Variants in SHISA6 observed in about 807,000 individuals in gnomAD.
SHISA6 encodes shisa family member 6.
SHISA6 carries 22 observed loss-of-function variants against 47.9 expected under a neutral mutation model. That is an observed-to-expected ratio of 0.46 (90% CI 0.33 to 0.66). SHISA6 has a LOEUF of 0.66. Ranked by LOEUF, SHISA6 falls within the 30% of genes least tolerant of loss-of-function variation. The pLI is 0.02. For synonymous variants in SHISA6, 388 were observed against 337.8 expected (o/e 1.15, Z -1.63); for missense variants, 680 against 764.6 (o/e 0.89, Z 1.30).
intron 2 of SHISA6, among the ~76,000 whole-genome samples, chr17:11,268,968 A>C (rs74552182): frequency 0.032 from 4,813 of 151,820 alleles, 179 homozygotes; most frequent in African/African-American, 0.092. Flanking sequence ...ACTTGCATAA[A>C]CCATAGGCTG....
rs1178979764 is a variant in SHISA6 at position 11,558,156 on chromosome 17, A to G, written c.1508A>G (p.Asn503Ser). 6 of 1,549,892 alleles carry G rather than the reference A, an allele frequency of 3.9e-6. No homozygotes were observed. The South Asian group carries it at 4.8e-5, about 12-fold the overall frequency. ...ATGCACTCTCATCCCAGTGCCTCCA[A>G]TAACTCATACGCCACCCTGGGCCAG... ...SKMHSHPSAS[N>S]NSYATLGQSQ... is the part of the protein sequence containing the mutation. The change falls in exon 6 of 6, where the codon AAT becomes AGT. Residue 503 changes from asparagine (N) to serine (S), a missense_variant. Physicochemically the swap from Asn to Ser is conservative, Grantham distance 46 (BLOSUM62 1). This residue lies in a region of SHISA6 where 559 missense variants were observed against 674.1 expected (regional missense o/e 0.83). Transcript: ENST00000441885.
At chr17:11,310,580 C>T (rs971415559) in intron 2 of SHISA6, among the ~76,000 whole-genome samples, 3 of 152,086 alleles carry the variant, frequency 2.0e-5, no homozygotes, top group Admixed American at 1.3e-4. Flanking sequence ...TGAAAGACCT[C>T]GTGGGCCAGA....
intron 2 of SHISA6, among the ~76,000 whole-genome samples, chr17:11,361,882 C>T (rs779651999): frequency 8.5e-5 from 13 of 152,086 alleles, no homozygotes; most frequent in Admixed American, 3.9e-4. Flanking sequence ...GGAATTCTAT[C>T]GGTACCATAA....
At chr17:11,268,496 T>C (rs1003883) in intron 2 of SHISA6, among the ~76,000 whole-genome samples, 131,070 of 152,148 alleles carry the variant, frequency 0.86, 57,213 homozygotes, top group Admixed American at 0.93. Flanking sequence ...CATTGAGATA[T>C]TTCCCCCTTT....
rs1053388440 is a variant in SHISA6 at position 11,500,289 on chromosome 17, T to C, written c.896-51607T>C. On this transcript the variant is annotated intron_variant, in intron 3 of 5. Transcript: ENST00000441885. ...GAAGAGGCAGTTTGGAAAAGCAGCG[T>C]CGTGGTGCCCCAGAATGTTTAGAGA... is the stretch of plus-strand genomic sequence containing the variant. Among the ~76,000 whole-genome samples, 5 of 152,304 alleles carry C rather than the reference T, an allele frequency of 3.3e-5. No individual in the cohort carries two copies. In the Middle Eastern group the frequency reaches 0.01, roughly 311 times the overall value.
At chr17:11,343,525 G>A (rs1315660703) in intron 2 of SHISA6, among the ~76,000 whole-genome samples, 2 of 152,022 alleles carry the variant, frequency 1.3e-5, no homozygotes, top group Admixed American at 6.5e-5. Flanking sequence ...TCTCAATCCT[G>A]CTGGGAACAT....
intron 3 of SHISA6, among the ~76,000 whole-genome samples, chr17:11,421,015 G>A (rs1307162997): frequency 6.6e-6 from 1 of 152,112 alleles, no homozygotes; most frequent in African/African-American, 2.4e-5. Flanking sequence ...ACAGATTATT[G>A]CTGGCGGGAC....
intron 1 of SHISA6, among the ~76,000 whole-genome samples, chr17:11,250,996 C>G (rs998384653): frequency 6.6e-6 from 1 of 152,094 alleles, no homozygotes; most frequent in African/African-American, 2.4e-5. Context: ...TCCCATCATC[C>G]CGTCTGAGTG....
At chr17:11,432,107 A>G (rs896853800) in intron 3 of SHISA6, among the ~76,000 whole-genome samples, 7 of 152,240 alleles carry the variant, frequency 4.6e-5, no homozygotes, top group African/African-American at 9.6e-5. Flanking sequence ...TTCCATGAAA[A>G]TGGAAGTTGA....
chr17:11,293,162 G>T (rs9303035), intron 2 of SHISA6, among the ~76,000 whole-genome samples: 2 of 151,916 alleles, frequency 1.3e-5, no homozygotes, highest in Admixed American at 6.6e-5. Flanking sequence ...TCCAGTTGCT[G>T]TATGGATTGA....
At position 11,554,335 on chromosome 17, in the gene SHISA6, T is replaced by C. The variant is rs754685298; in HGVS notation, c.953-1405T>C. ...CCCTCACATATGTCCTGAGCTGGCA[T>C]GAACACCAGCTCACTGGCTGAGCTT... On this transcript the variant is annotated intron_variant, in intron 4 of 5. Transcript: ENST00000441885. Among the ~76,000 whole-genome samples the C allele has an allele frequency of 2.7e-4, 41 of 152,196 alleles. 1 individual carries two copies. Among genetic ancestry groups the C allele is most frequent in the South Asian group, 2.1e-3 (10 of 4,814 alleles).
intron 3 of SHISA6, among the ~76,000 whole-genome samples, chr17:11,523,415 A>G (rs1454540859): frequency 6.6e-6 from 1 of 152,236 alleles, no homozygotes; most frequent in African/African-American, 2.4e-5. Context: ...CTGCAGAGGC[A>G]GGCAGATGTC....
intron 3 of SHISA6, among the ~76,000 whole-genome samples, chr17:11,393,921 T>C (rs2142258001): frequency 6.6e-6 from 1 of 152,362 alleles, no homozygotes; most frequent in East Asian, 1.9e-4. Flanking sequence ...TCTTCCACTT[T>C]GGTACTTATT....
intron 2 of SHISA6, among the ~76,000 whole-genome samples, chr17:11,328,243 A>G (rs1910976783): frequency 6.6e-6 from 1 of 152,156 alleles, no homozygotes; most frequent in South Asian, 2.1e-4. Context: ...CAGCTCTGTG[A>G]CCTTAGTGCA....
At chr17:11,277,029 T>C (rs1403970937) in intron 2 of SHISA6, among the ~76,000 whole-genome samples, 1 of 152,092 alleles carries the variant, frequency 6.6e-6, no homozygotes, top group Non-Finnish European at 1.5e-5. Flanking sequence ...CCAAGGACTT[T>C]TGGCCAGACC....
intron 2 of SHISA6, among the ~76,000 whole-genome samples, chr17:11,350,964 A>T (rs1458564880): frequency 6.6e-6 from 1 of 152,212 alleles, no homozygotes; most frequent in Non-Finnish European, 1.5e-5. Flanking sequence ...ATGCAGCCAT[A>T]AAAAAGAATG....
intron 2 of SHISA6, among the ~76,000 whole-genome samples, chr17:11,306,896 C>T (rs1180260194): frequency 6.6e-6 from 1 of 152,098 alleles, no homozygotes; most frequent in Non-Finnish European, 1.5e-5. Flanking sequence ...CAAAACCAGC[C>T]GTAGGAGTTG....
chr17:11,244,467 G>A (rs1331980796), intron 1 of SHISA6, among the ~76,000 whole-genome samples: 2 of 152,084 alleles, frequency 1.3e-5, no homozygotes, highest in Non-Finnish European at 2.9e-5. Flanking sequence ...TCTTGCTTCC[G>A]GGGCACGTCA....
intron 3 of SHISA6, among the ~76,000 whole-genome samples, chr17:11,388,484 C>T (rs775199625): frequency 1.1e-4 from 17 of 151,946 alleles, no homozygotes; most frequent in Non-Finnish European, 7.4e-5. Flanking sequence ...TGTGGGACGG[C>T]ACCCCTGTTT....
Sources: allele counts gnomAD v4.1 joint callset (sites outside exome capture counted in the v4.1 genomes callset), GRCh38; gene constraint gnomAD v4.1.1; regional missense constraint gnomAD v4.1.1; transcripts MANE v1.5; gene names NCBI Gene and HGNC (gene_info 2026-07-23, HGNC 2026-07-21).